Variants in RABGAP1L observed in about 807,000 individuals in gnomAD.
The protein encoded by RABGAP1L is rab GTPase-activating protein 1-like.
RABGAP1L carries 63 observed loss-of-function variants against 137.7 expected under a neutral mutation model. The observed-to-expected ratio is 0.46, with a 90% CI of 0.37 to 0.56. The LOEUF is 0.56. Among genes scored for constraint, RABGAP1L ranks in the 20% least tolerant of loss-of-function variants. The pLI is 0.00. For missense variants in RABGAP1L, 1,095 were observed against 1,244.0 expected (o/e 0.88, Z 1.80); for synonymous variants, 431 against 433.7 (o/e 0.99, Z 0.08).
intron 15 of RABGAP1L, among the ~76,000 whole-genome samples, chr1:174,693,969 C>T (rs1679062032): frequency 6.6e-6 from 1 of 151,886 alleles, no homozygotes; most frequent in African/African-American, 2.4e-5. Context: ...TTCAACCAAT[C>T]GTGGATGAAA....
At chr1:174,780,576 A>T (rs1029632776) in intron 18 of RABGAP1L, among the ~76,000 whole-genome samples, 5 of 151,942 alleles carry the variant, frequency 3.3e-5, no homozygotes, top group South Asian at 2.1e-4. Flanking sequence ...ATATATATAT[A>T]TTTTTATTAT....
intron 13 of RABGAP1L, among the ~76,000 whole-genome samples, chr1:174,478,640 A>G (rs1047662460): frequency 4.4e-4 from 67 of 152,206 alleles, no homozygotes; most frequent in Non-Finnish European, 1.5e-5. Context: ...CCCAACCTCA[A>G]ATGCATTCAT....
chr1:174,826,944 T>C (rs1691623195), intron 19 of RABGAP1L, among the ~76,000 whole-genome samples: 1 of 152,230 alleles, frequency 6.6e-6, no homozygotes, highest in South Asian at 2.1e-4. Context: ...ATGCATAGAC[T>C]GGGAGGCTTA....
intron 10 of RABGAP1L, among the ~76,000 whole-genome samples, chr1:174,299,524 T>G (rs1394745221): frequency 3.3e-5 from 5 of 152,246 alleles, no homozygotes; most frequent in Non-Finnish European, 7.3e-5. Context: ...CAAACAGCTA[T>G]ATTGCCATAA....
intron 13 of RABGAP1L, among the ~76,000 whole-genome samples, chr1:174,464,670 T>C (rs1041086854): frequency 6.6e-6 from 1 of 152,172 alleles, no homozygotes; most frequent in African/African-American, 2.4e-5. Context: ...GGATTTTTTT[T>C]CTTCTACCTT....
Position 174,915,163 on chromosome 1 carries a change from G to C in RABGAP1L, c.2341-42294G>C, listed in dbSNP as rs998476185. 2.6e-5 allele frequency among the ~76,000 whole-genome samples: 4 copies of C among 152,136 alleles called. No homozygotes were observed. In the East Asian group the frequency reaches 7.7e-4, roughly 29 times the overall value. On this transcript the variant is annotated intron_variant, in intron 19 of 25. Coordinates refer to ENST00000681986, the MANE Select transcript of RABGAP1L (RefSeq NM_001366446.1). Reference sequence around the variant, plus strand: ...TCCCCACAAGTTTTTCTGTGAACATGTGTTTTCATTTCTCTTGGGTTGATG... The same window carrying C: ...TCCCCACAAGTTTTTCTGTGAACATCTGTTTTCATTTCTCTTGGGTTGATG...
intron 11 of RABGAP1L, among the ~76,000 whole-genome samples, chr1:174,337,069 A>C (rs927004464): frequency 5.3e-5 from 8 of 152,084 alleles, no homozygotes; most frequent in Admixed American, 5.2e-4. Flanking sequence ...CTATTGCTGC[A>C]TAACAGATTA....
chr1:174,264,759 C>G (rs2148640707), intron 7 of RABGAP1L, among the ~76,000 whole-genome samples: 1 of 149,518 alleles, frequency 6.7e-6, no homozygotes, highest in Middle Eastern at 3.4e-3. Flanking sequence ...AAAGAAAAAC[C>G]CTAGAGGAAA....
chr1:174,816,147 CTTTTTTTTTT>C (rs67065448), intron 19 of RABGAP1L, among the ~76,000 whole-genome samples: 1 of 86,154 alleles, frequency 1.2e-5, no homozygotes, highest in East Asian at 4.6e-4. Flanking sequence ...TAATACATAG[CTTTTTTTTTT>C]TTTTTTTTTT....
chr1:174,227,302 G>A (rs1347716434), intron 3 of RABGAP1L, among the ~76,000 whole-genome samples: 2 of 150,402 alleles, frequency 1.3e-5, no homozygotes, highest in African/African-American at 4.9e-5. Context: ...CTGAGTTCAA[G>A]CAATTCTCCT....
intron 13 of RABGAP1L, among the ~76,000 whole-genome samples, chr1:174,437,933 G>T (rs1004113952): frequency 1.3e-5 from 2 of 152,176 alleles, no homozygotes; most frequent in African/African-American, 2.4e-5. Context: ...TTAAAGAAAA[G>T]AATTTTCAAC....
At chr1:174,915,170 C>T (rs1331977357) in intron 19 of RABGAP1L, among the ~76,000 whole-genome samples, 1 of 152,110 alleles carries the variant, frequency 6.6e-6, no homozygotes, top group Non-Finnish European at 1.5e-5. Context: ...CATGTGTTTT[C>T]ATTTCTCTTG....
In RABGAP1L at chr1:174,502,612, G is replaced by GTA. The variant is rs546373628; in HGVS notation, c.1710+108475_1710+108476dup. On this transcript the variant is annotated intron_variant, in intron 13 of 25. Coordinates refer to ENST00000681986, the MANE Select transcript of RABGAP1L (RefSeq NM_001366446.1). ...TATATATATATGTACATATATGTGT[G>GTA]TATATATATGTACATATATATGTGT... 4.2e-3 allele frequency among the ~76,000 whole-genome samples: 486 copies of GTA among 116,280 alleles called. 2 individuals carry two copies. Among genetic ancestry groups the GTA allele is most frequent in the African/African-American group, 0.017 (466 of 27,528 alleles). The allele number at this position is 116,280 out of a possible 152,430, so 76.3% of individuals were successfully genotyped here.
intron 11 of RABGAP1L, among the ~76,000 whole-genome samples, chr1:174,308,076 C>T (rs1482847130): frequency 6.6e-6 from 1 of 151,826 alleles, no homozygotes; most frequent in Non-Finnish European, 1.5e-5. Flanking sequence ...ATGTTGAGTA[C>T]CTTTGCATAT....
intron 18 of RABGAP1L, among the ~76,000 whole-genome samples, chr1:174,795,178 AAT>A (rs1405652788): frequency 1.3e-5 from 2 of 152,098 alleles, no homozygotes; most frequent in Non-Finnish European, 2.9e-5. Flanking sequence ...AAGGATTCAG[AAT>A]ATGTCACCCC....
intron 10 of RABGAP1L, among the ~76,000 whole-genome samples, chr1:174,297,369 C>A (rs896692626): frequency 3.3e-5 from 5 of 152,122 alleles, no homozygotes; most frequent in Admixed American, 6.5e-5. Context: ...GAAGCAGGGA[C>A]TCTCGCTAGG....
At chr1:174,769,709 C>T (rs1043564918) in intron 18 of RABGAP1L, among the ~76,000 whole-genome samples, 2 of 152,006 alleles carry the variant, frequency 1.3e-5, no homozygotes, top group Non-Finnish European at 2.9e-5. Flanking sequence ...AGAAGTTAGC[C>T]GGGCATGGTG....
chr1:174,438,415 C>T (rs1305383276), intron 13 of RABGAP1L, among the ~76,000 whole-genome samples: 3 of 151,938 alleles, frequency 2.0e-5, no homozygotes, highest in African/African-American at 7.3e-5. Flanking sequence ...AATATTGATT[C>T]TCCCATTGCA....
chr1:174,406,271 A>G (rs990350390), intron 13 of RABGAP1L, among the ~76,000 whole-genome samples: 1 of 152,182 alleles, frequency 6.6e-6, no homozygotes, highest in Admixed American at 6.5e-5. Context: ...AAAATTTAAA[A>G]TATACTCTAA....
Sources: allele counts gnomAD v4.1 joint callset (sites outside exome capture counted in the v4.1 genomes callset), GRCh38; gene constraint gnomAD v4.1.1; transcripts MANE v1.5; gene names NCBI Gene and HGNC (gene_info 2026-07-23, HGNC 2026-07-21).